Variants in CCDC38 observed in about 807,000 individuals in gnomAD.
The protein encoded by CCDC38 is coiled-coil domain-containing protein 38.
A neutral mutation model predicts 72.8 loss-of-function variants in CCDC38; 69 were observed. The observed-to-expected ratio is 0.95, with a 90% CI of 0.78 to 1.16. The LOEUF (loss-of-function observed/expected upper bound fraction) is 1.16, where lower values mean the gene tolerates loss of function less well. CCDC38 is among the 50% of genes most tolerant of loss of function. CCDC38 has a pLI of 0.00. For missense variants in CCDC38, 626 were observed against 638.9 expected (o/e 0.98, Z 0.22); for synonymous variants, 201 against 213.2 (o/e 0.94, Z 0.50).
intron 4 of CCDC38, among the ~76,000 whole-genome samples, chr12:95,909,548 C>G (rs1446269832): frequency 6.6e-6 from 1 of 152,068 alleles, no homozygotes; most frequent in African/African-American, 2.4e-5. Flanking sequence ...CCTAACTCAT[C>G]CTATGAATTT....
chr12:95,897,796 G>A (rs1048288573), intron 7 of CCDC38, among the ~76,000 whole-genome samples: 8 of 151,976 alleles, frequency 5.3e-5, no homozygotes, highest in African/African-American at 1.9e-4. Flanking sequence ...GGGTCCCACT[G>A]TGTTGCTAAG....
intron 14 of CCDC38, chr12:95,869,889 T>G (rs1285570158): frequency 4.3e-6 from 1 of 234,384 alleles, no homozygotes; most frequent in Non-Finnish European, 8.2e-6. Flanking sequence ...AGTGGCATGA[T>G]CTTGGCTCAC....
intron 2 of CCDC38, among the ~76,000 whole-genome samples, chr12:95,928,146 T>A (rs1193072146): frequency 6.6e-6 from 1 of 151,782 alleles, no homozygotes; most frequent in Non-Finnish European, 1.5e-5. Flanking sequence ...TCCAACTTGG[T>A]TCCATTCTCC....
At chr12:95,928,980 T>C (rs1311589132) in intron 2 of CCDC38, among the ~76,000 whole-genome samples, 3 of 152,162 alleles carry the variant, frequency 2.0e-5, no homozygotes, top group African/African-American at 4.8e-5. Context: ...CAGAGGTTAC[T>C]GCTGTCTTTT....
chr12:95,906,429 G>C lies in CCDC38; in HGVS notation c.327C>G (p.Val109=), dbSNP rs140268195. The change falls in exon 5 of 16, where the codon GTC becomes GTG. Residue 109 remains valine, a synonymous_variant. Coordinates refer to ENST00000344280, the MANE Select transcript of CCDC38 (RefSeq NM_182496.3). ...CTCTCTGGTCATTAATAAATTCATGGACAGTCCTTTTTGTGTCGGAACCTG... is the reference window on the plus strand; with the variant it reads ...CTCTCTGGTCATTAATAAATTCATGCACAGTCCTTTTTGTGTCGGAACCTG... ...LIEGSDTKRT[V]HEFINDQRDR... 323 of 1,613,292 alleles carry C rather than the reference G, an allele frequency of 2.0e-4. No homozygotes were observed. In the African/African-American group the frequency reaches 4.0e-3, roughly 20 times the overall value.
intron 10 of CCDC38, among the ~76,000 whole-genome samples, chr12:95,883,125 C>T (rs937521687): frequency 3.3e-5 from 5 of 152,162 alleles, no homozygotes; most frequent in East Asian, 1.9e-4. Context: ...TCTTTGTTTC[C>T]GATGCCATTA....
At chr12:95,918,660 C>G (rs1339008085) in intron 3 of CCDC38, among the ~76,000 whole-genome samples, 1 of 152,160 alleles carries the variant, frequency 6.6e-6, no homozygotes, top group Non-Finnish European at 1.5e-5. Flanking sequence ...TGGTATATCT[C>G]TCTTCCTCCG....
At chr12:95,886,647 A>G (rs2079762659) in intron 10 of CCDC38, among the ~76,000 whole-genome samples, 1 of 152,250 alleles carries the variant, frequency 6.6e-6, no homozygotes. Context: ...TTAGAAAGTG[A>G]GCAAAAGACA....
intron 5 of CCDC38, 49 bp downstream of exon 5, chr12:95,906,338 A>G: frequency 1.6e-6 from 2 of 1,249,342 alleles, no homozygotes; most frequent in South Asian, 2.5e-5. Context: ...TGAAAACACT[A>G]TGAAAGAAGT....
intron 10 of CCDC38, among the ~76,000 whole-genome samples, chr12:95,886,953 T>C (rs1329866853): frequency 6.6e-6 from 1 of 152,162 alleles, no homozygotes; most frequent in Non-Finnish European, 1.5e-5. Flanking sequence ...GAAGGCCAAG[T>C]CATGTGGATC....
At chr12:95,885,164 G>A (rs1038088666) in intron 10 of CCDC38, 1 of 152,910 alleles carries the variant, frequency 6.5e-6, no homozygotes, top group African/African-American at 2.4e-5. Flanking sequence ...TTGGAATCTG[G>A]AGCAATGAAG....
rs568830044 is a variant in CCDC38, at chr12:95,868,611, G to A, written c.1578+869C>T. On this transcript the variant is annotated intron_variant, in intron 15 of 15. Transcript: ENST00000344280. Reference sequence around the variant, plus strand: ...GTTGTAAGGCACACAGTAAGCATTCGTTATGTGTTAGCTATCACTGTGGTA... The same window carrying A: ...GTTGTAAGGCACACAGTAAGCATTCATTATGTGTTAGCTATCACTGTGGTA... Among the ~76,000 whole-genome samples, 14 of 152,232 alleles carry A rather than the reference G, an allele frequency of 9.2e-5. No homozygotes were observed. In the South Asian group the frequency reaches 2.7e-3, roughly 29 times the overall value.
intron 7 of CCDC38, among the ~76,000 whole-genome samples, chr12:95,897,071 G>C (rs1015441078): frequency 2.0e-5 from 3 of 152,176 alleles, no homozygotes; most frequent in Admixed American, 1.3e-4. Flanking sequence ...GCTGTAGCCA[G>C]AATATGAAAT....
chr12:95,911,144 C>T (rs1027411990), intron 4 of CCDC38, among the ~76,000 whole-genome samples: 1 of 152,096 alleles, frequency 6.6e-6, no homozygotes, highest in African/African-American at 2.4e-5. Flanking sequence ...GGGAGAGGAT[C>T]CCCTTTTCAA....
At chr12:95,916,382 T>TGCC (rs1319564823) in intron 4 of CCDC38, among the ~76,000 whole-genome samples, 2 of 82,388 alleles carry the variant, frequency 2.4e-5, no homozygotes, top group African/African-American at 4.4e-5. Context: ...CCTGCCTGCC[T>TGCC]TCCTTCCTTC....
intron 2 of CCDC38, among the ~76,000 whole-genome samples, chr12:95,931,365 C>T (rs964826120): frequency 1.3e-4 from 20 of 152,220 alleles, no homozygotes; most frequent in African/African-American, 4.8e-4. Flanking sequence ...GGATAACCTT[C>T]CCATATCAAG....
chr12:95,892,988 T>C (rs537163245), intron 8 of CCDC38, among the ~76,000 whole-genome samples: 1 of 152,332 alleles, frequency 6.6e-6, no homozygotes, highest in Non-Finnish European at 1.5e-5. Context: ...TTTTAAAGCA[T>C]TTGTAATCCT....
chr12:95,868,514 CG>C (rs1312064042), intron 15 of CCDC38, among the ~76,000 whole-genome samples: 2 of 152,118 alleles, frequency 1.3e-5, no homozygotes, highest in East Asian at 1.9e-4. Flanking sequence ...TTGAAGTAAT[CG>C]TTTTTTTGTC....
rs1329794135 is a variant in CCDC38, at chr12:95,920,212, T to C, written c.38-1236A>G. On this transcript the variant is annotated intron_variant, in intron 2 of 15. Coordinates refer to ENST00000344280, the MANE Select transcript of CCDC38 (RefSeq NM_182496.3). ...TGAATCGTGTTGAGGGGTTCTTTCT[T>C]GTGCTGTTCTCGTGATAGTGAATAA... 3.3e-5 allele frequency among the ~76,000 whole-genome samples: 5 copies of C among 152,144 alleles called. No homozygotes were observed. The East Asian group carries it at 5.8e-4, about 18-fold the overall frequency.
Sources: gnomAD v4.1 joint callset for allele counts (sites outside exome capture counted in the v4.1 genomes callset) on GRCh38, gnomAD v4.1.1 for gene constraint, MANE v1.5 for transcripts, NCBI Gene and HGNC (gene_info 2026-07-23, HGNC 2026-07-21) for gene names.